Variants in SVIL observed in about 807,000 individuals in gnomAD.
The protein encoded by SVIL is archvillin.
Under a neutral mutation model 240.4 loss-of-function variants are expected in SVIL, and 101 were observed. The ratio of observed to expected loss-of-function variants is 0.42; its 90% CI spans 0.36 to 0.50. The LOEUF (loss-of-function observed/expected upper bound fraction) is 0.50. SVIL is among the 20% of genes least tolerant of loss of function. SVIL has a pLI of 0.01. For missense variants in SVIL, 2,512 were observed against 2,818.7 expected, an observed-to-expected ratio of 0.89 and a Z score of 2.46; for synonymous variants, 999 against 1,100.0, an observed-to-expected ratio of 0.91 and a Z score of 1.82.
chr10:29,457,992 T>TTAAG lies in SVIL; in HGVS notation c.*251_*254dup, dbSNP rs1943753157. 1 of 355,710 alleles carries TTAAG rather than the reference T, an allele frequency of 2.8e-6. No homozygotes were observed. The highest frequency in any genetic ancestry group is 5.0e-6 in the Non-Finnish European group (1 of 198,766). 22.0% of individuals were successfully genotyped at this position (355,710 alleles called of 1,614,324 possible). ...CAGTGCTATCTATAGCAGCTGCGGC[T>TTAAG]TAAGTGCACATAACAGATACTTTTA... On this transcript the variant is annotated 3_prime_UTR_variant, in exon 38 of 38. Transcript: ENST00000355867.
chr10:29,675,772 A>G (rs1264557052), intron 2 of SVIL, among the ~76,000 whole-genome samples: 1 of 152,208 alleles, frequency 6.6e-6, no homozygotes, highest in Admixed American at 6.5e-5. Context: ...CTTGTTCATG[A>G]TAGTAAAGAT....
At chr10:29,603,210 G>C (rs1232027982) in intron 1 of SVIL, among the ~76,000 whole-genome samples, 1 of 152,060 alleles carries the variant, frequency 6.6e-6, no homozygotes, top group Non-Finnish European at 1.5e-5. Context: ...CGATGTGAAA[G>C]ATCCCCCACA....
intron 17 of SVIL, among the ~76,000 whole-genome samples, chr10:29,509,330 G>GGGGAGAGAGA (rs1949620403): frequency 1.5e-5 from 1 of 66,880 alleles, no homozygotes; most frequent in Non-Finnish European, 3.1e-5. Context: ...GGAGGGGGAG[G>GGGGAGAGAGA]GAGAGAGAGA....
chr10:29,468,612 C>T (rs11007603), intron 32 of SVIL, among the ~76,000 whole-genome samples: 2 of 150,148 alleles, frequency 1.3e-5, no homozygotes, highest in African/African-American at 4.9e-5. Context: ...TGGGTATATA[C>T]TAATAGTAGG....
chr10:29,550,890 A>T lies in SVIL; in HGVS notation c.534T>A (p.Cys178Ter). 1 of 1,613,972 alleles carries T rather than the reference A, an allele frequency of 6.2e-7. No homozygotes were observed. ...GGGCATAGTCCTTGGATTCACCGGC[A>T]CAGGTCCTGAGCCCCATCGTCTCGG... is the stretch of plus-strand genomic sequence containing the variant. The part of the protein sequence containing the change: ...PGTETMGLRT[C>*]AGESKDYALH... Residue 178 changes from cysteine (C) to a stop codon, truncating the protein, a stop_gained, in exon 6 of 38, where the codon TGT (cysteine) becomes TGA (stop). Coordinates refer to ENST00000355867, the MANE Select transcript of SVIL (RefSeq NM_021738.3). LOFTEE classifies it high-confidence loss of function.
At chr10:29,658,346 G>A (rs1564741679) in intron 2 of SVIL, among the ~76,000 whole-genome samples, 1 of 152,168 alleles carries the variant, frequency 6.6e-6, no homozygotes, top group African/African-American at 2.4e-5. Flanking sequence ...TCTATGCAAT[G>A]GTTCTCCAAA....
intron 1 of SVIL, among the ~76,000 whole-genome samples, chr10:29,596,182 C>G (rs1343001072): frequency 6.6e-6 from 1 of 152,152 alleles, no homozygotes; most frequent in East Asian, 1.9e-4. Context: ...TTAAAAATTC[C>G]CTTCCTGGAT....
upstream of SVIL, among the ~76,000 whole-genome samples, chr10:29,638,274 C>T (rs557058773): frequency 1.3e-5 from 2 of 151,992 alleles, no homozygotes; most frequent in African/African-American, 2.4e-5. Flanking sequence ...ACATCCTAGC[C>T]AACGTGGTGA....
At chr10:29,567,900 C>T (rs1038172448) in intron 2 of SVIL, among the ~76,000 whole-genome samples, 1 of 151,890 alleles carries the variant, frequency 6.6e-6, no homozygotes, top group African/African-American at 2.4e-5. Context: ...GCCTGTAGTC[C>T]CAGCCACTCG....
intron 1 of SVIL, among the ~76,000 whole-genome samples, chr10:29,607,385 A>AT (rs887216672): frequency 6.6e-6 from 1 of 151,746 alleles, no homozygotes; most frequent in Non-Finnish European, 1.5e-5. Flanking sequence ...TGCCTAGTTT[A>AT]TTTTTTTTCT....
intron 1 of SVIL, among the ~76,000 whole-genome samples, chr10:29,587,909 G>A (rs1453341600): frequency 0.011 from 1,515 of 143,956 alleles, no homozygotes; most frequent in African/African-American, 0.043. Context: ...TTGGTCAAGC[G>A]ATGCCTGATT....
At chr10:29,682,307 G>A (rs76105041) in intron 2 of SVIL, among the ~76,000 whole-genome samples, 107 of 152,244 alleles carry the variant, frequency 7.0e-4, no homozygotes, top group African/African-American at 2.4e-3. Context: ...CAGCTGCTGC[G>A]TCAGCCCAAT....
intron 1 of SVIL, among the ~76,000 whole-genome samples, chr10:29,634,193 TAA>T (rs60844786): frequency 1.4e-5 from 2 of 139,722 alleles, no homozygotes; most frequent in African/African-American, 2.6e-5. Flanking sequence ...GTAAATCCTT[TAA>T]AAAAAAAAAA....
chr10:29,719,771 G>A (rs1381150477), intron 1 of SVIL, among the ~76,000 whole-genome samples: 1 of 151,878 alleles, frequency 6.6e-6, no homozygotes, highest in Non-Finnish European at 1.5e-5. Flanking sequence ...TATCCAAAAT[G>A]AAAAACAGAA....
chr10:29,560,686 G>A (rs994220730), intron 3 of SVIL, among the ~76,000 whole-genome samples: 4 of 151,924 alleles, frequency 2.6e-5, no homozygotes, highest in Non-Finnish European at 5.9e-5. Context: ...ATTGCTAAGA[G>A]CTGACACACA....
intron 6 of SVIL, chr10:29,545,012 A>G (rs746808593): frequency 1.9e-6 from 1 of 534,586 alleles, no homozygotes; most frequent in Non-Finnish European, 3.8e-6. Context: ...TTTCTCCATG[A>G]TGCACTGTCC....
Position 29,551,220 on chromosome 10 carries a change from T to G in SVIL, c.204A>C (p.Glu68Asp), listed in dbSNP as rs138919577. The G allele has an allele frequency of 6.2e-7, 1 of 1,608,684 alleles. No homozygotes were observed. The highest frequency in any genetic ancestry group is 2.2e-5 in the East Asian group (1 of 44,776). The change falls in exon 6 of 38, where the codon GAA becomes GAC. Residue 68 changes from glutamate to aspartate, a missense_variant. Glu to Asp is a conservative substitution (Grantham distance 45). Around this residue, in one of 3 missense-constraint regions of SVIL, gnomAD observed 1,443 missense variants for 1,486.6 expected, o/e 0.97. Transcript: ENST00000355867. Reference protein sequence around the residue: ...EEEETSDSSLEKQTRSKYCTE... With the variant: ...EEEETSDSSLDKQTRSKYCTE... Reference sequence around the variant, plus strand: ...TGCAGTATTTGGATCGAGTTTGCTTTTCTAGAGAAGAATCAGAAGTTTCCT... The same window carrying G: ...TGCAGTATTTGGATCGAGTTTGCTTGTCTAGAGAAGAATCAGAAGTTTCCT...
chr10:29,622,144 G>A (rs1054045768), intron 1 of SVIL, among the ~76,000 whole-genome samples: 8 of 149,690 alleles, frequency 5.3e-5, no homozygotes, highest in Admixed American at 6.7e-5. Flanking sequence ...CAGCTACTCG[G>A]GAGGCTGAGG....
At chr10:29,613,985 C>A (rs557789085) in intron 1 of SVIL, among the ~76,000 whole-genome samples, 31 of 152,264 alleles carry the variant, frequency 2.0e-4, no homozygotes, top group African/African-American at 7.5e-4. Flanking sequence ...CTCGGTGAAT[C>A]AGCTGCAGAA....
Sources: allele counts gnomAD v4.1 joint callset (sites outside exome capture counted in the v4.1 genomes callset), GRCh38; gene constraint gnomAD v4.1.1; regional missense constraint gnomAD v4.1.1; transcripts MANE v1.5; gene names NCBI Gene and HGNC (gene_info 2026-07-23, HGNC 2026-07-21).